The following ADSS2 variants were observed in gnomAD, a reference collection of about 807,000 sequenced individuals.
The protein encoded by ADSS2 is adenylosuccinate synthetase isozyme 2.
A neutral mutation model predicts 60.0 loss-of-function variants in ADSS2; 30 were observed. That is an observed-to-expected ratio of 0.50 (90% CI 0.37 to 0.68). The LOEUF (loss-of-function observed/expected upper bound fraction) is 0.68. Ranked by LOEUF, ADSS2 falls within the 30% of genes least tolerant of loss-of-function variation. The pLI is 0.00. For missense variants in ADSS2, 373 were observed against 554.8 expected (o/e 0.67, Z 3.29); for synonymous variants, 187 against 193.1 (o/e 0.97, Z 0.26).
chr1:244,422,654 C>CTGCT (rs1444661543), intron 7 of ADSS2, among the ~76,000 whole-genome samples, 181 bp downstream of exon 7: 1 of 152,208 alleles, frequency 6.6e-6, no homozygotes. Context: ...GGTACTCCTC[C>CTGCT]TGCTCCCTAC....
chr1:244,414,033 T>A (rs1664475530), intron 11 of ADSS2, among the ~76,000 whole-genome samples: 1 of 151,972 alleles, frequency 6.6e-6, no homozygotes, highest in Non-Finnish European at 1.5e-5. Context: ...ACATCTTGGG[T>A]TTTCCACGTA....
intron 7 of ADSS2, among the ~76,000 whole-genome samples, chr1:244,420,728 A>G (rs569674393): frequency 3.3e-5 from 5 of 152,180 alleles, no homozygotes; most frequent in Non-Finnish European, 5.9e-5. Flanking sequence ...ATTTTTTGAG[A>G]CAGAGCCTTG....
In ADSS2 at chr1:244,442,242, T is replaced by TACAC. The variant is rs71739056; in HGVS notation, c.184-4478_184-4475dup. Among the ~76,000 whole-genome samples, 1,309 of 149,154 alleles carry TACAC rather than the reference T, an allele frequency of 8.8e-3. 17 individuals carry two copies. Among genetic ancestry groups the TACAC allele is most frequent in the African/African-American group, 0.029 (1,157 of 40,592 alleles). ...CATAATAAAGAGATGATGGTTGCTCTACACACACACACACACACACACACA... is the reference window on the plus strand; with the variant it reads ...CATAATAAAGAGATGATGGTTGCTCTACACACACACACACACACACACACACACA... On this transcript the variant is annotated intron_variant, in intron 1 of 12. Transcript: ENST00000366535.
intron 7 of ADSS2, among the ~76,000 whole-genome samples, chr1:244,421,530 T>C (rs1664674939): frequency 6.6e-6 from 1 of 152,242 alleles, no homozygotes; most frequent in Non-Finnish European, 1.5e-5. Context: ...TGGTTCAACA[T>C]ACATTACCTA....
chr1:244,435,933 T>C (rs1665089773), intron 3 of ADSS2, among the ~76,000 whole-genome samples: 1 of 152,216 alleles, frequency 6.6e-6, no homozygotes, highest in Non-Finnish European at 1.5e-5. Flanking sequence ...ATTTCATTTA[T>C]TACCACAGTT....
At chr1:244,451,940 C>T (rs1458552849), upstream of ADSS2, 10 of 1,076,580 alleles carry the variant, frequency 9.3e-6, no homozygotes, top group Non-Finnish European at 1.3e-5. This position sits in a 1 kb window ranked among gnomAD's most constrained non-coding sequence, Gnocchi z 6.6. Flanking sequence ...GCCCCGCCCC[C>T]GCCCCGCCGG....
chr1:244,423,768 C>T (rs1204978507), intron 6 of ADSS2, among the ~76,000 whole-genome samples, 185 bp downstream of exon 6: 1 of 152,102 alleles, frequency 6.6e-6, no homozygotes, highest in Non-Finnish European at 1.5e-5. Flanking sequence ...TGTTATATTT[C>T]ATGAAGTTAA....
In ADSS2 at chr1:244,436,808, G is replaced by C. The variant is rs766836217; in HGVS notation, c.355+17C>G. 43 of 1,592,590 alleles carry C rather than the reference G, an allele frequency of 2.7e-5. No homozygotes were observed. Among genetic ancestry groups the C allele is most frequent in the Non-Finnish European group, 3.7e-5 (43 of 1,162,042 alleles). On this transcript the variant is annotated intron_variant, in intron 3 of 12. Coordinates refer to ENST00000366535, the MANE Select transcript of ADSS2 (RefSeq NM_001126.5). ...ACAAAGAACAACTGGTTACCAAGTA[G>C]ACTCATTCTTTCATACCTTTTCCTT...
chr1:244,424,399 T>C lies in ADSS2; in HGVS notation c.407-12A>G. 1 of 1,610,354 alleles carries C rather than the reference T, an allele frequency of 6.2e-7. No homozygotes were observed. Among genetic ancestry groups the C allele is most frequent in the South Asian group, 1.1e-5 (1 of 90,882 alleles). On this transcript the variant is annotated splice_polypyrimidine_tract_variant and intron_variant, in intron 4 of 12. Transcript: ENST00000366535. ...ATGAAAATCAAATACTGAGGGGAAA[T>C]AAAACCACAGTTGTTGAAACAAAGA...
At chr1:244,421,294 T>C (rs553894577) in intron 7 of ADSS2, among the ~76,000 whole-genome samples, 6 of 152,344 alleles carry the variant, frequency 3.9e-5, no homozygotes, top group South Asian at 2.1e-4. Flanking sequence ...CTAAGGCCTA[T>C]AGCATAACTG....
intron 1 of ADSS2, among the ~76,000 whole-genome samples, chr1:244,440,888 C>T (rs1163317501): frequency 6.6e-6 from 1 of 152,094 alleles, no homozygotes; most frequent in African/African-American, 2.4e-5. Flanking sequence ...ATACTGGTCC[C>T]ATAATGAGAG....
intron 4 of ADSS2, among the ~76,000 whole-genome samples, chr1:244,431,320 T>C (rs1421597871): frequency 6.6e-6 from 1 of 152,210 alleles, no homozygotes; most frequent in African/African-American, 2.4e-5. Flanking sequence ...CTTATCCAAA[T>C]TGCATGTTAT....
At chr1:244,433,207 G>A (rs1405337813) in intron 3 of ADSS2, among the ~76,000 whole-genome samples, 2 of 152,148 alleles carry the variant, frequency 1.3e-5, no homozygotes, top group Admixed American at 6.5e-5. Flanking sequence ...CTACACTCCA[G>A]TGTATGTGGC....
In ADSS2 at chr1:244,420,151, T is replaced by C. The variant is rs1200920998; in HGVS notation, c.790+19A>G. 1.9e-6 allele frequency: 3 copies of C among 1,610,200 alleles called. No individual in the cohort carries two copies. Among genetic ancestry groups the C allele is most frequent in the Non-Finnish European group, 2.5e-6 (3 of 1,177,810 alleles). On this transcript the variant is annotated intron_variant, in intron 8 of 12. Transcript: ENST00000366535. ...GGGCTCAGTTAAGCTCCCTTAACTA[T>C]AAGTCATATCTCACTTACCAAAATC...
At chr1:244,446,421 GA>G (rs1263385104) in intron 1 of ADSS2, among the ~76,000 whole-genome samples, 2 of 151,966 alleles carry the variant, frequency 1.3e-5, no homozygotes, top group Non-Finnish European at 2.9e-5. Flanking sequence ...GACAGCAAGA[GA>G]AAAAAATACA....
chr1:244,422,218 T>C (rs1664693966), intron 7 of ADSS2, among the ~76,000 whole-genome samples: 1 of 152,198 alleles, frequency 6.6e-6, no homozygotes, highest in Non-Finnish European at 1.5e-5. Flanking sequence ...TATCTATAGA[T>C]GAGAAGAAGT....
intron 10 of ADSS2, among the ~76,000 whole-genome samples, chr1:244,416,543 C>T (rs1185360372): frequency 6.6e-6 from 1 of 152,168 alleles, no homozygotes; most frequent in Non-Finnish European, 1.5e-5. Context: ...TGGTCTCGAA[C>T]TCCCAGCCTC....
intron 3 of ADSS2, among the ~76,000 whole-genome samples, chr1:244,434,397 G>A (rs1212494116): frequency 6.7e-6 from 1 of 150,118 alleles, no homozygotes; most frequent in East Asian, 1.9e-4. Flanking sequence ...AACCCAAATC[G>A]ATGTTTTTCT....
chr1:244,424,929 T>C (rs1215127068), intron 4 of ADSS2: 1 of 152,750 alleles, frequency 6.5e-6, no homozygotes, highest in Non-Finnish European at 1.5e-5. Context: ...TTTCCACTGC[T>C]CTAAAAAAAG....
Sources: gnomAD v4.1 joint callset for allele counts (sites outside exome capture counted in the v4.1 genomes callset) on GRCh38, gnomAD v4.1.1 for gene constraint, Gnocchi (gnomAD v3.1) non-coding constraint, MANE v1.5 for transcripts, NCBI Gene and HGNC (gene_info 2026-07-23, HGNC 2026-07-21) for gene names.